Variants in SPART observed in about 807,000 individuals in gnomAD.
SPART encodes the protein spastic paraplegia 20 (Troyer syndrome).
In SPART, 35 loss-of-function variants were observed where a neutral mutation model predicts 58.7. That is an observed-to-expected ratio of 0.60 (90% CI 0.46 to 0.79). SPART has a LOEUF of 0.79. Among genes scored for constraint, SPART ranks in the 30% least tolerant of loss-of-function variants. The pLI is 0.00. For synonymous variants in SPART, 284 were observed against 280.7 expected, an observed-to-expected ratio of 1.01 and a Z score of -0.12; for missense variants, 730 against 786.1, an observed-to-expected ratio of 0.93 and a Z score of 0.85.
intron 8 of SPART, among the ~76,000 whole-genome samples, chr13:36,309,619 G>T (rs908758042): frequency 6.6e-6 from 1 of 152,080 alleles, no homozygotes; most frequent in African/African-American, 2.4e-5. Context: ...TATTCTAAGC[G>T]AATTAATGCA....
In SPART at chr13:36,334,010, T is replaced by C. The variant is rs77161203; in HGVS notation, c.810+1011A>G. ...AAGTTGACTTCATATAAAAACTACA[T>C]AAGAATCAACAGGAGAGAATACCAA... On this transcript the variant is annotated intron_variant, in intron 2 of 8. Transcript: ENST00000438666. 8.6e-3 allele frequency among the ~76,000 whole-genome samples: 1,307 copies of C among 152,246 alleles called. 8 individuals are homozygous for C. Among genetic ancestry groups the C allele is most frequent in the Middle Eastern group, 0.044 (13 of 294 alleles).
chr13:36,341,314 T>A (rs1884562362), intron 1 of SPART, among the ~76,000 whole-genome samples: 1 of 152,188 alleles, frequency 6.6e-6, no homozygotes, highest in African/African-American at 2.4e-5. Context: ...TCTAATAACA[T>A]TAAAAAGGTA....
chr13:36,332,725 T>C (rs951738112), intron 2 of SPART, among the ~76,000 whole-genome samples: 4 of 152,198 alleles, frequency 2.6e-5, no homozygotes, highest in Admixed American at 1.3e-4. Context: ...TAAGCTCACA[T>C]CCTGGCTGCC....
intron 8 of SPART, 105 bp from the exon 9 acceptor site, chr13:36,304,737 A>G (rs1880335824): frequency 2.5e-6 from 3 of 1,223,212 alleles, no homozygotes. Context: ...TACCCCTGAA[A>G]GCAAAATTAA....
rs755668663 is a variant in SPART, at chr13:36,335,483, T to A, written c.348A>T (p.Glu116Asp). 3 of 1,614,018 alleles carry A rather than the reference T, an allele frequency of 1.9e-6. No homozygotes were observed. In the African/African-American group the frequency reaches 4.0e-5, roughly 22 times the overall value. The change falls in exon 2 of 9, where the codon GAA becomes GAT. Residue 116 changes from glutamate (E) to aspartate (D), a missense_variant. Physicochemically the swap from Glu to Asp is conservative, Grantham distance 45. Coordinates refer to ENST00000438666, the MANE Select transcript of SPART (RefSeq NM_015087.5). ...TTTCACACATGTCTTTAGGTGGAAA[T>A]TCTGGATATAACTTGGGCACCTCCT... ...DLQEVPKLYP[E>D]FPPKDMCEKL...
upstream of SPART, among the ~76,000 whole-genome samples, chr13:36,348,855 C>T (rs1020164562): frequency 6.6e-5 from 10 of 152,152 alleles, no homozygotes; most frequent in Admixed American, 1.3e-4. Context: ...TCCTAAAATT[C>T]ATACAATCCA....
In SPART at chr13:36,335,367, G is replaced by A. The variant is rs752173215; in HGVS notation, c.464C>T (p.Ala155Val). The change falls in exon 2 of 9, where the codon GCA becomes GTA. Residue 155 changes from alanine (A) to valine (V), a missense_variant. By Grantham distance (64) the Ala-to-Val change is moderately conservative. Coordinates refer to ENST00000438666, the MANE Select transcript of SPART (RefSeq NM_015087.5). ...TSTPSAGAVA[A>V]PASLSLPSQS... The stretch of plus-strand genomic sequence containing the variant: ...TGATGGTAAAGACAGAGAAGCAGGT[G>A]CAGCAACTGCCCCTGCACTTGGAGT... 5 of 1,613,984 alleles carry A rather than the reference G, an allele frequency of 3.1e-6. No homozygotes were observed. Among genetic ancestry groups the A allele is most frequent in the Middle Eastern group, 1.6e-4 (1 of 6,084 alleles).
intron 1 of SPART, among the ~76,000 whole-genome samples, chr13:36,358,268 T>G (rs1048175271): frequency 1.3e-5 from 2 of 152,198 alleles, no homozygotes; most frequent in Non-Finnish European, 2.9e-5. Flanking sequence ...TCTTTATTTC[T>G]TAGTCTTTTT....
At chr13:36,308,040 G>C (rs1446629680) in intron 8 of SPART, among the ~76,000 whole-genome samples, 1 of 152,052 alleles carries the variant, frequency 6.6e-6, no homozygotes, top group East Asian at 1.9e-4. Context: ...AGTTCGATTT[G>C]AGTACTCCAC....
upstream of SPART, among the ~76,000 whole-genome samples, chr13:36,348,065 C>T (rs1027166081): frequency 2.0e-5 from 3 of 152,116 alleles, no homozygotes; most frequent in African/African-American, 7.2e-5. Flanking sequence ...GCAAGAGAAT[C>T]GCTTGAGCCC....
At chr13:36,337,715 C>A (rs1884155919) in intron 1 of SPART, among the ~76,000 whole-genome samples, 1 of 152,148 alleles carries the variant, frequency 6.6e-6, no homozygotes. Context: ...CAGTAGCCAT[C>A]TTGGTTATCA....
chr13:36,319,261 T>C (rs9575908), intron 5 of SPART, among the ~76,000 whole-genome samples: 11 of 151,708 alleles, frequency 7.3e-5, no homozygotes, highest in East Asian at 2.0e-4. Context: ...ACTACAGCTG[T>C]ATCTCATTGC....
chr13:36,336,344 C>G (rs190009979), intron 1 of SPART: 2 of 153,288 alleles, frequency 1.3e-5, no homozygotes, highest in African/African-American at 4.8e-5. Flanking sequence ...TTCCCCAAAT[C>G]CCACTAAGAT....
intron 1 of SPART, among the ~76,000 whole-genome samples, chr13:36,353,188 A>C (rs955223408): frequency 2.0e-5 from 3 of 152,176 alleles, no homozygotes; most frequent in Non-Finnish European, 4.4e-5. Context: ...AAAAAGGCTC[A>C]CCATTCATCT....
rs1438385809 is a variant in SPART at position 36,302,587 on chromosome 13, T to C, written c.*1778A>G. ...CTAACTGTTTAAAGTTTATGTTCCA[T>C]TATTTGCCATTCCATTTCTTTTTAA... On this transcript the variant is annotated 3_prime_UTR_variant, in exon 9 of 9. Transcript: ENST00000438666. 1 of 152,214 alleles carries C rather than the reference T, an allele frequency of 6.6e-6. No homozygotes were observed. The highest frequency in any genetic ancestry group is 1.5e-5 in the Non-Finnish European group (1 of 68,038). 9.4% of individuals were successfully genotyped at this position (152,214 alleles called of 1,614,324 possible).
intron 6 of SPART, among the ~76,000 whole-genome samples, chr13:36,313,444 A>G (rs1881333887): frequency 6.6e-6 from 1 of 152,218 alleles, no homozygotes; most frequent in Non-Finnish European, 1.5e-5. Flanking sequence ...GTACAGTGTT[A>G]AAAAGTCTAC....
chr13:36,343,436 C>G (rs1275531495), intron 1 of SPART, among the ~76,000 whole-genome samples: 15 of 151,894 alleles, frequency 9.9e-5, no homozygotes. Flanking sequence ...ATATGATACC[C>G]CACTGAATAC....
At chr13:36,308,403 C>A (rs1490622329) in intron 8 of SPART, 1 of 152,138 alleles carries the variant, frequency 6.6e-6, no homozygotes, top group African/African-American at 2.4e-5. Flanking sequence ...AGCTACTTAA[C>A]TAAATTCTCA....
intron 1 of SPART, among the ~76,000 whole-genome samples, chr13:36,352,527 C>A (rs1189376672): frequency 1.3e-5 from 2 of 152,018 alleles, no homozygotes; most frequent in African/African-American, 4.8e-5. Flanking sequence ...AGATGAGTCA[C>A]CAAGGACACA....
Sources: allele counts gnomAD v4.1 joint callset (sites outside exome capture counted in the v4.1 genomes callset), GRCh38; gene constraint gnomAD v4.1.1; transcripts MANE v1.5; gene names NCBI Gene and HGNC (gene_info 2026-07-23, HGNC 2026-07-21).